Variants in PPP3CA observed in about 807,000 individuals in gnomAD.
PPP3CA encodes the protein CAM-PRP catalytic subunit.
PPP3CA carries 14 observed loss-of-function variants against 66.5 expected under a neutral mutation model. The observed-to-expected ratio is 0.21, with a 90% confidence interval of 0.14 to 0.33. PPP3CA has a LOEUF of 0.33. Ranked by LOEUF, PPP3CA falls within the 10% of genes least tolerant of loss-of-function variation. PPP3CA has a pLI of 1.00. For missense variants in PPP3CA, 317 were observed against 639.5 expected (o/e 0.50, Z 5.44); for synonymous variants, 232 against 226.2 (o/e 1.03, Z -0.23).
chr4:101,239,027 T>C (rs1435796224), intron 1 of PPP3CA, among the ~76,000 whole-genome samples: 2 of 152,218 alleles, frequency 1.3e-5, no homozygotes, highest in Non-Finnish European at 2.9e-5. Flanking sequence ...ACAAACACTG[T>C]CATTCAGAGA....
intron 2 of PPP3CA, among the ~76,000 whole-genome samples, chr4:101,111,516 A>G (rs1052056728): frequency 6.6e-6 from 1 of 152,150 alleles, no homozygotes; most frequent in African/African-American, 2.4e-5. Flanking sequence ...TGGAATCTCT[A>G]TGGCAAGTTT....
At chr4:101,159,649 A>G (rs574451647) in intron 2 of PPP3CA, among the ~76,000 whole-genome samples, 38 of 152,334 alleles carry the variant, frequency 2.5e-4, no homozygotes, top group African/African-American at 7.9e-4. Flanking sequence ...AGTAAAACTG[A>G]TTCAGAAATC....
At chr4:101,190,501 T>C (rs1724562783) in intron 2 of PPP3CA, among the ~76,000 whole-genome samples, 3 of 152,170 alleles carry the variant, frequency 2.0e-5, no homozygotes, top group African/African-American at 7.2e-5. Flanking sequence ...TAGCGCTACA[T>C]GTTTATTGAT....
At chr4:101,197,775 G>A (rs1175682827) in intron 1 of PPP3CA, among the ~76,000 whole-genome samples, 1 of 152,104 alleles carries the variant, frequency 6.6e-6, no homozygotes, top group Non-Finnish European at 1.5e-5. Context: ...TTACTGTACA[G>A]GAGAAACCTG....
chr4:101,162,822 C>T (rs918712097), intron 2 of PPP3CA, among the ~76,000 whole-genome samples: 7 of 152,114 alleles, frequency 4.6e-5, no homozygotes, highest in Non-Finnish European at 1.0e-4. Flanking sequence ...TTCACTTCTT[C>T]ATTTAGAAAA....
chr4:101,194,968 AAAAAT>A (rs1323723216), intron 2 of PPP3CA, among the ~76,000 whole-genome samples: 1 of 152,160 alleles, frequency 6.6e-6, no homozygotes, highest in Non-Finnish European at 1.5e-5. Context: ...CTAAAACACG[AAAAAT>A]AAAATAAAAA....
At position 101,106,453 on chromosome 4, in the gene PPP3CA, G is replaced by GAAAGAAAGAAAGAAAGAA. The variant is rs775018059; in HGVS notation, c.384+2500_384+2501insTTCTTTCTTTCTTTCTTT. 2.3e-4 allele frequency among the ~76,000 whole-genome samples: 8 copies of GAAAGAAAGAAAGAAAGAA among 35,512 alleles called. 2 individuals carry two copies. Among genetic ancestry groups the GAAAGAAAGAAAGAAAGAA allele is most frequent in the Non-Finnish European group, 4.2e-4 (8 of 19,014 alleles). 23.3% of individuals were successfully genotyped at this position (35,512 alleles called of 152,430 possible). ...AGAAAGAAAGAAAGAAAGAAAGAAA[G>GAAAGAAAGAAAGAAAGAA]AGAAAAGAAAAGAAAAGAAAAGAAA... On this transcript the variant is annotated intron_variant, in intron 3 of 13. Coordinates refer to ENST00000394854, the MANE Select transcript of PPP3CA (RefSeq NM_000944.5).
At chr4:101,157,866 C>CAAA (rs770632810) in intron 2 of PPP3CA, among the ~76,000 whole-genome samples, 50 of 48,756 alleles carry the variant, frequency 1.0e-3, no homozygotes, top group African/African-American at 1.7e-3. Flanking sequence ...CCTTAGGAGG[C>CAAA]AAAAAAAAAA....
chr4:101,263,013 G>C (rs1727055830), intron 1 of PPP3CA, among the ~76,000 whole-genome samples: 1 of 152,158 alleles, frequency 6.6e-6, no homozygotes, highest in African/African-American at 2.4e-5. Flanking sequence ...CAGCTATAAA[G>C]AGAATGAGCT....
chr4:101,281,937 A>C (rs1020262750), intron 1 of PPP3CA, among the ~76,000 whole-genome samples: 8 of 152,204 alleles, frequency 5.3e-5, no homozygotes, highest in Non-Finnish European at 1.0e-4. Context: ...ATCTGCATTC[A>C]ACATACATTC....
At chr4:101,248,334 T>C (rs1349432871) in intron 1 of PPP3CA, among the ~76,000 whole-genome samples, 1 of 152,224 alleles carries the variant, frequency 6.6e-6, no homozygotes, top group East Asian at 1.9e-4. Flanking sequence ...GTTTTCTTGT[T>C]AGAATTAAAG....
At chr4:101,346,711 A>G (rs1237013333) in intron 1 of PPP3CA, 28 bp downstream of exon 1, 1 of 1,598,896 alleles carries the variant, frequency 6.3e-7, no homozygotes, top group Non-Finnish European at 8.5e-7. Flanking sequence ...CACACGGTGC[A>G]CCCAGGCCAC....
intron 2 of PPP3CA, among the ~76,000 whole-genome samples, chr4:101,186,815 A>T (rs554992004): frequency 2.6e-4 from 40 of 152,186 alleles, no homozygotes; most frequent in Non-Finnish European, 5.3e-4. Flanking sequence ...TGGAGTTTTT[A>T]TAAGGTGTCT....
At chr4:101,216,859 AACCT>A (rs1238713438) in intron 1 of PPP3CA, among the ~76,000 whole-genome samples, 3 of 152,058 alleles carry the variant, frequency 2.0e-5, no homozygotes, top group African/African-American at 7.2e-5. Flanking sequence ...CCAGCCCCAT[AACCT>A]ACTTCTTACA....
chr4:101,103,260 T>TA (rs1730526001), intron 3 of PPP3CA, among the ~76,000 whole-genome samples: 1 of 152,178 alleles, frequency 6.6e-6, no homozygotes, highest in African/African-American at 2.4e-5. Context: ...AGGTACATAT[T>TA]AATCAGCTCT....
intron 2 of PPP3CA, among the ~76,000 whole-genome samples, chr4:101,125,614 A>G (rs1033855956): frequency 1.3e-5 from 2 of 152,118 alleles, no homozygotes; most frequent in African/African-American, 4.8e-5. Flanking sequence ...CCAGGCAACA[A>G]TCACAAGCAG....
At chr4:101,305,941 G>A (rs994907363) in intron 1 of PPP3CA, among the ~76,000 whole-genome samples, 4 of 151,806 alleles carry the variant, frequency 2.6e-5, no homozygotes, top group African/African-American at 9.7e-5. Context: ...TGCTTTGAGA[G>A]GATAAGACTT....
intron 1 of PPP3CA, among the ~76,000 whole-genome samples, chr4:101,243,663 T>C (rs756068148): frequency 3.9e-5 from 6 of 152,182 alleles, no homozygotes; most frequent in Admixed American, 6.6e-5. Context: ...CCATTTTATA[T>C]AATAGATTTG....
chr4:101,026,148 A>T (rs1215956729), intron 13 of PPP3CA, 87 bp from the exon 14 acceptor site: 2 of 1,165,552 alleles, frequency 1.7e-6, no homozygotes, highest in Admixed American at 2.5e-5. Context: ...GATGTTAGAG[A>T]TTTCTCAGTG....
Sources: allele counts gnomAD v4.1 joint callset (sites outside exome capture counted in the v4.1 genomes callset), GRCh38; gene constraint gnomAD v4.1.1; transcripts MANE v1.5; gene names NCBI Gene and HGNC (gene_info 2026-07-23, HGNC 2026-07-21).